Variants in GRIK1 observed in about 807,000 individuals in gnomAD.
The protein encoded by GRIK1 is glutamate receptor ionotropic, kainate 1.
GRIK1 carries 69 observed loss-of-function variants against 105.7 expected under a neutral mutation model. The observed-to-expected ratio is 0.65, with a 90% CI of 0.54 to 0.80. GRIK1 has a LOEUF of 0.80. Among genes scored for constraint, GRIK1 ranks in the 30% least tolerant of loss-of-function variants. The pLI is 0.00. For synonymous variants in GRIK1, 438 were observed against 431.3 expected (o/e 1.02, Z -0.19); for missense variants, 1,109 against 1,167.3 (o/e 0.95, Z 0.73).
At chr21:29,581,344 G>T in intron 13 of GRIK1, 81 bp downstream of exon 13, 1 of 829,542 alleles carries the variant, frequency 1.2e-6, no homozygotes. Flanking sequence ...CTACCCTCTA[G>T]CTTCATGGTG....
intron 7 of GRIK1, among the ~76,000 whole-genome samples, chr21:29,619,632 A>G (rs1373987289): frequency 6.6e-6 from 1 of 152,192 alleles, no homozygotes; most frequent in Non-Finnish European, 1.5e-5. Flanking sequence ...ACTTATGGAA[A>G]TAAAAAATTG....
chr21:29,576,164 G>T (rs1404359274), intron 14 of GRIK1, among the ~76,000 whole-genome samples: 1 of 152,020 alleles, frequency 6.6e-6, no homozygotes, highest in African/African-American at 2.4e-5. Context: ...TGAACTTCAT[G>T]ATCTTTACAC....
intron 3 of GRIK1, among the ~76,000 whole-genome samples, chr21:29,688,929 A>G (rs2063534334): frequency 6.6e-6 from 1 of 152,214 alleles, no homozygotes; most frequent in South Asian, 2.1e-4. Context: ...GTGAGAGTAC[A>G]GGCAGTGAGG....
rs921791095 is a variant in GRIK1, at chr21:29,939,710, G to A, written c.-210C>T. 2.2e-6 allele frequency: 1 copy of A among 460,350 alleles called. No individual in the cohort carries two copies. Among genetic ancestry groups the A allele is most frequent in the African/African-American group, 2.1e-5 (1 of 48,774 alleles). 28.5% of individuals were successfully genotyped at this position (460,350 alleles called of 1,614,324 possible). ...AGCTCTCTCGGGGCTCCTCAGTGCT[G>A]TCGCTAGCCCATCACGGCTCCTCCT... On this transcript the variant is annotated 5_prime_UTR_variant, in exon 1 of 18. Coordinates refer to ENST00000327783, the MANE Select transcript of GRIK1 (RefSeq NM_001330994.2).
At chr21:29,642,728 G>T in intron 7 of GRIK1, 98 bp downstream of exon 7, 1 of 1,014,090 alleles carries the variant, frequency 9.9e-7, no homozygotes, top group East Asian at 2.4e-5. Flanking sequence ...TCTCTTAGGG[G>T]CATCATGCCA....
chr21:29,817,827 A>G (rs866893554), intron 1 of GRIK1, among the ~76,000 whole-genome samples: 3 of 152,170 alleles, frequency 2.0e-5, no homozygotes, highest in Admixed American at 6.5e-5. Context: ...AGAGTCATTT[A>G]TACAGAACCT....
chr21:29,554,916 TG>T, intron 16 of GRIK1, 135 bp downstream of exon 16: 1 of 669,198 alleles, frequency 1.5e-6, no homozygotes, highest in Non-Finnish European at 2.5e-6. Flanking sequence ...AATAGCTCTC[TG>T]CTCTAACTCA....
intron 1 of GRIK1, among the ~76,000 whole-genome samples, chr21:29,827,567 CAT>C (rs1263356264): frequency 1.3e-5 from 2 of 152,052 alleles, no homozygotes; most frequent in Non-Finnish European, 2.9e-5. Flanking sequence ...TTGATTAACA[CAT>C]GTCATAACTG....
intron 7 of GRIK1, among the ~76,000 whole-genome samples, chr21:29,622,516 T>A (rs1175753171): frequency 6.6e-6 from 1 of 152,184 alleles, no homozygotes. Context: ...GTGTTGGTTA[T>A]CCCTGGTCTA....
At chr21:29,594,637 G>A (rs1334109475) in intron 9 of GRIK1, among the ~76,000 whole-genome samples, 1 of 152,134 alleles carries the variant, frequency 6.6e-6, no homozygotes, top group Non-Finnish European at 1.5e-5. Context: ...GAAAATGAGT[G>A]CCCAAATGAC....
intron 1 of GRIK1, among the ~76,000 whole-genome samples, chr21:29,819,831 G>C (rs1276038124): frequency 1.3e-5 from 2 of 152,002 alleles, no homozygotes; most frequent in Non-Finnish European, 2.9e-5. Context: ...CCCTGACCCA[G>C]ATGACAGGGA....
intron 1 of GRIK1, among the ~76,000 whole-genome samples, chr21:29,758,299 G>T (rs1193865532): frequency 1.3e-5 from 2 of 152,184 alleles, no homozygotes; most frequent in African/African-American, 2.4e-5. Context: ...AAGAAAAGAG[G>T]TTTAATGGAC....
chr21:29,834,786 ATAT>A (rs1298926731), intron 1 of GRIK1, among the ~76,000 whole-genome samples: 1 of 149,140 alleles, frequency 6.7e-6, no homozygotes, highest in African/African-American at 2.5e-5. Flanking sequence ...TATTCATCCA[ATAT>A]TAATGATTTT....
chr21:29,846,493 G>GAA (rs1450386295), intron 1 of GRIK1, among the ~76,000 whole-genome samples: 18 of 151,190 alleles, frequency 1.2e-4, no homozygotes, highest in Non-Finnish European at 2.2e-4. Context: ...AAGAAAGAAA[G>GAA]AAAGAAAGAA....
At chr21:29,915,292 T>C (rs1350883833) in intron 1 of GRIK1, among the ~76,000 whole-genome samples, 1 of 152,008 alleles carries the variant, frequency 6.6e-6, no homozygotes, top group African/African-American at 2.4e-5. Context: ...CACTAGAACT[T>C]GATCTGGCAT....
chr21:29,709,064 A>T (rs1026314436), intron 1 of GRIK1, among the ~76,000 whole-genome samples: 2 of 152,072 alleles, frequency 1.3e-5, no homozygotes, highest in African/African-American at 4.8e-5. Flanking sequence ...TTATAATTTT[A>T]TATATATGCA....
chr21:29,873,120 T>G (rs4254570), intron 1 of GRIK1, among the ~76,000 whole-genome samples: 9 of 152,254 alleles, frequency 5.9e-5, no homozygotes, highest in Middle Eastern at 3.4e-3. Flanking sequence ...AATTAAAGAA[T>G]CTTTGAGGTA....
At chr21:29,722,545 G>A (rs150713718) in intron 1 of GRIK1, among the ~76,000 whole-genome samples, 2,380 of 144,266 alleles carry the variant, frequency 0.016, 67 homozygotes, top group African/African-American at 0.058. Flanking sequence ...GACTGAGAGA[G>A]ACTCTGTCTC....
chr21:29,537,640 T>G, intron 17 of GRIK1, 158 bp downstream of exon 17: 1 of 722,740 alleles, frequency 1.4e-6, no homozygotes, highest in Non-Finnish European at 2.5e-6. Context: ...ACTACCCAGT[T>G]AAAGCAAACT....
Sources: gnomAD v4.1 joint callset for allele counts (sites outside exome capture counted in the v4.1 genomes callset) on GRCh38, gnomAD v4.1.1 for gene constraint, MANE v1.5 for transcripts, NCBI Gene and HGNC (gene_info 2026-07-23, HGNC 2026-07-21) for gene names.